ZNF25: variants seen among roughly 807,000 people sequenced by gnomAD.
ZNF25 encodes the protein zinc finger protein 25 (KOX 19).
A neutral mutation model predicts 30.9 loss-of-function variants in ZNF25; 21 were observed. The observed-to-expected ratio is 0.68, with a 90% CI of 0.48 to 0.98. The LOEUF is 0.98. ZNF25 is among the 50% of genes least tolerant of loss of function. The pLI is 0.00. For missense variants in ZNF25, 501 were observed against 529.9 expected (o/e 0.95, Z 0.54); for synonymous variants, 169 against 181.3 (o/e 0.93, Z 0.55).
At chr10:37,962,232 CT>C (rs1451283970) in intron 2 of ZNF25, among the ~76,000 whole-genome samples, 3 of 146,138 alleles carry the variant, frequency 2.1e-5, no homozygotes, top group African/African-American at 7.7e-5. Context: ...GAGAGCGAGA[CT>C]TCCATCTCAA....
chr10:37,973,577 C>A (rs2063618531), intron 1 of ZNF25, among the ~76,000 whole-genome samples: 1 of 140,896 alleles, frequency 7.1e-6, no homozygotes, highest in Non-Finnish European at 1.5e-5. Flanking sequence ...CAAGATTGCA[C>A]CAAACTGAGC....
At chr10:37,974,579 C>T (rs1200695630) in intron 1 of ZNF25, among the ~76,000 whole-genome samples, 3 of 152,150 alleles carry the variant, frequency 2.0e-5, no homozygotes, top group South Asian at 4.1e-4. Flanking sequence ...TCATTTTACC[C>T]CTTAAAACAG....
chr10:37,967,819 T>A (rs1362668425), intron 2 of ZNF25: 3 of 152,192 alleles, frequency 2.0e-5, no homozygotes, highest in Non-Finnish European at 4.4e-5. Context: ...AAATGGGAAC[T>A]CTACCTCACA....
chr10:37,972,996 C>T (rs1392382675), intron 1 of ZNF25, among the ~76,000 whole-genome samples: 3 of 151,918 alleles, frequency 2.0e-5, no homozygotes, highest in Admixed American at 2.0e-4. Context: ...GGAGAAAAAC[C>T]AGTCACTACT....
At chr10:37,966,835 G>A (rs1653709408) in intron 2 of ZNF25, among the ~76,000 whole-genome samples, 1 of 152,202 alleles carries the variant, frequency 6.6e-6, no homozygotes, top group South Asian at 2.1e-4. Flanking sequence ...CCAAGTTGCA[G>A]AAGTAAGTCT....
At chr10:37,964,571 C>A (rs998323991) in intron 2 of ZNF25, among the ~76,000 whole-genome samples, 1 of 152,200 alleles carries the variant, frequency 6.6e-6, no homozygotes, top group Non-Finnish European at 1.5e-5. Context: ...GAACTTAAGA[C>A]TGATGACCTA....
Position 37,952,871 on chromosome 10 carries a change from T to C in ZNF25, c.627A>G (p.Lys209=). The C allele has an allele frequency of 1.9e-6, 3 of 1,614,138 alleles. No individual in the cohort carries two copies. The highest frequency in any genetic ancestry group is 2.5e-6 in the Non-Finnish European group (3 of 1,180,006). The change falls in exon 6 of 6, where the codon AAA becomes AAG. Residue 209 remains lysine, a synonymous_variant. Transcript: ENST00000302609. ...TGAGATGTGGTTTCTGGTAGAAGGA[T>C]TTTTCACACTGATTACATTCATAGG... The part of the protein sequence containing the change: ...EKPYECNQCE[K]SFYQKPHLTE...
chr10:37,953,158 T>A lies in ZNF25; in HGVS notation c.340A>T (p.Thr114Ser), dbSNP rs1234383801. ...ELTKHQKTHTTEKACECKECG... is the reference protein window; with the variant it reads ...ELTKHQKTHTSEKACECKECG... ...TCCTTACATTCACAGGCTTTCTCTG[T>A]GGTATGAGTTTTCTGATGTTTTGTG... is the stretch of plus-strand genomic sequence containing the variant. Residue 114 changes from threonine (T) to serine (S), a missense_variant, in exon 6 of 6, where the codon ACA (threonine) becomes TCA (serine). Coordinates refer to ENST00000302609, the MANE Select transcript of ZNF25 (RefSeq NM_145011.4). 6.3e-7 allele frequency: 1 copy of A among 1,595,700 alleles called. No individual in the cohort carries two copies. The highest frequency in any genetic ancestry group is 8.5e-7 in the Non-Finnish European group (1 of 1,175,322).
In ZNF25 at chr10:37,976,541, GGGCCCAGGCCCCGCCCTTTGC is replaced by G. The variant is rs1296045801; in HGVS notation, c.-142_-122del. On this transcript the variant is annotated 5_prime_UTR_variant, in exon 1 of 6. Transcript: ENST00000302609. ...TCGGCCTCTGCTCCCGGCCCGCGCCGGGCCCAGGCCCCGCCCTTTGCGGCCCAGCCCAGACCCGGAGGCACC... is the reference window on the plus strand; with the variant it reads ...TCGGCCTCTGCTCCCGGCCCGCGCCGGGCCCAGCCCAGACCCGGAGGCACC... 1 of 152,434 alleles carries G rather than the reference GGGCCCAGGCCCCGCCCTTTGC, an allele frequency of 6.6e-6. No individual in the cohort carries two copies. The highest frequency in any genetic ancestry group is 1.5e-5 in the Non-Finnish European group (1 of 68,236). 9.4% of individuals were successfully genotyped at this position (152,434 alleles called of 1,614,324 possible).
In ZNF25 at chr10:37,952,699, A is replaced by T; in HGVS notation, c.799T>A (p.Phe267Ile). ...PYECKECGKA[F>I]SQKSHLTVHQ... ...ACTGTGAGGTGTGACTTCTGGGAAA[A>T]GGCTTTCCCACACTCCTTACACTCA... The change falls in exon 6 of 6, where the codon TTT becomes ATT. Residue 267 changes from phenylalanine to isoleucine, a missense_variant. Phe to Ile is a conservative substitution (Grantham distance 21, BLOSUM62 0). Coordinates refer to ENST00000302609, the MANE Select transcript of ZNF25 (RefSeq NM_145011.4). The T allele has an allele frequency of 6.2e-7, 1 of 1,613,598 alleles. No homozygotes were observed. The highest frequency in any genetic ancestry group is 8.5e-7 in the Non-Finnish European group (1 of 1,179,882).
rs776062565 is a variant in ZNF25 at position 37,952,377 on chromosome 10, T to A, written c.1121A>T (p.Glu374Val). Residue 374 changes from glutamate to valine, a missense_variant, in exon 6 of 6, where the codon GAA becomes GTA. By Grantham distance (121) the Glu-to-Val change is moderately radical. Coordinates refer to ENST00000302609, the MANE Select transcript of ZNF25 (RefSeq NM_145011.4). Reference protein sequence around the residue: ...HTGEKPYECTECGKSFAVNSV... With the variant: ...HTGEKPYECTVCGKSFAVNSV... ...ATTCACAGCAAAAGATTTGCCACATTCTGTGCATTCATAGGGCTTCTCCCC... is the reference window on the plus strand; with the variant it reads ...ATTCACAGCAAAAGATTTGCCACATACTGTGCATTCATAGGGCTTCTCCCC... The A allele has an allele frequency of 6.8e-6, 11 of 1,614,118 alleles. No individual in the cohort carries two copies. Among genetic ancestry groups the A allele is most frequent in the Middle Eastern group, 1.6e-4 (1 of 6,062 alleles).
rs866080748 is a variant in ZNF25 at position 37,950,138 on chromosome 10, G to C, written c.*1989C>G. The C allele has an allele frequency of 6.6e-6, 1 of 152,538 alleles. No individual in the cohort carries two copies. The highest frequency in any genetic ancestry group is 2.1e-4 in the South Asian group (1 of 4,826). 9.4% of individuals were successfully genotyped at this position (152,538 alleles called of 1,614,324 possible). On this transcript the variant is annotated 3_prime_UTR_variant, in exon 6 of 6. Coordinates refer to ENST00000302609, the MANE Select transcript of ZNF25 (RefSeq NM_145011.4). ...CTTTTATTTTCAGCTCTAAGTAACA[G>C]AAAAACTTACTTTGTAAAGTGCTAG... is the stretch of plus-strand genomic sequence containing the variant.
chr10:37,976,582 G>A lies in ZNF25; in HGVS notation c.-162C>T, dbSNP rs1347838156. ...CTTTGCGGCCCAGCCCAGACCCGGA[G>A]GCACCGGAGTCCTCTCCCCACCCTA... On this transcript the variant is annotated 5_prime_UTR_variant, in exon 1 of 6. Transcript: ENST00000302609. 2.0e-5 allele frequency: 3 copies of A among 152,624 alleles called. No homozygotes were observed. Among genetic ancestry groups the A allele is most frequent in the Non-Finnish European group, 4.4e-5 (3 of 68,394 alleles). The allele number at this position is 152,624 out of a possible 1,614,324, so 9.5% of individuals were successfully genotyped here. A position where few individuals can be genotyped will look rare whatever the true frequency, so the allele number is the denominator to read the frequency against.
At chr10:37,964,922 G>T (rs1296442676) in intron 2 of ZNF25, among the ~76,000 whole-genome samples, 1 of 152,210 alleles carries the variant, frequency 6.6e-6, no homozygotes, top group Non-Finnish European at 1.5e-5. Context: ...AGGCCTAGGA[G>T]GAATGGTTTC....
intron 1 of ZNF25, among the ~76,000 whole-genome samples, chr10:37,972,312 AATATG>A (rs1203245964): frequency 6.6e-6 from 1 of 152,208 alleles, no homozygotes; most frequent in Non-Finnish European, 1.5e-5. Flanking sequence ...TTTTGATATA[AATATG>A]ATATAATGAA....
intron 2 of ZNF25, among the ~76,000 whole-genome samples, chr10:37,968,896 G>C (rs2063334716): frequency 6.6e-6 from 1 of 152,132 alleles, no homozygotes; most frequent in Non-Finnish European, 1.5e-5. Context: ...TGTAGGACTT[G>C]AGTATGTGTG....
At chr10:37,974,583 A>G (rs1218509657) in intron 1 of ZNF25, among the ~76,000 whole-genome samples, 1 of 152,190 alleles carries the variant, frequency 6.6e-6, no homozygotes, top group Non-Finnish European at 1.5e-5. Context: ...TTTACCCCTT[A>G]AAACAGCTAT....
chr10:37,951,966 A>T lies in ZNF25; in HGVS notation c.*161T>A. Reference sequence around the variant, plus strand: ...ATATGATAAAATTTTCTCCCAAATAAATGTACAGAATCTCTCTATGTATTT... The same window carrying T: ...ATATGATAAAATTTTCTCCCAAATATATGTACAGAATCTCTCTATGTATTT... On this transcript the variant is annotated 3_prime_UTR_variant, in exon 6 of 6. Coordinates refer to ENST00000302609, the MANE Select transcript of ZNF25 (RefSeq NM_145011.4). The T allele has an allele frequency of 3.7e-6, 2 of 541,202 alleles. No individual in the cohort carries two copies. The highest frequency in any genetic ancestry group is 6.0e-6 in the Non-Finnish European group (2 of 331,784). The allele number at this position is 541,202 out of a possible 1,614,324, so 33.5% of individuals were successfully genotyped here. A position where few individuals can be genotyped will look rare whatever the true frequency, so the allele number is the denominator to read the frequency against.
At chr10:37,955,152 T>TAA (rs375433658) in intron 4 of ZNF25, among the ~76,000 whole-genome samples, 26 of 140,552 alleles carry the variant, frequency 1.8e-4, no homozygotes, top group Non-Finnish European at 2.7e-4. Flanking sequence ...AGACTCCATA[T>TAA]AAAAAAAAAA....
Sources: allele counts gnomAD v4.1 joint callset (sites outside exome capture counted in the v4.1 genomes callset), GRCh38; gene constraint gnomAD v4.1.1; transcripts MANE v1.5; gene names NCBI Gene and HGNC (gene_info 2026-07-23, HGNC 2026-07-21).